ERC1: variants seen among roughly 807,000 people sequenced by gnomAD.
ERC1 encodes the protein RAB6 interacting protein 2.
In ERC1, 56 loss-of-function variants were observed where a neutral mutation model predicts 132.0. The observed-to-expected ratio is 0.42, with a 90% CI of 0.34 to 0.53. The LOEUF (loss-of-function observed/expected upper bound fraction) is 0.53, where lower values mean the gene tolerates loss of function less well. ERC1 is among the 20% of genes least tolerant of loss of function. The probability of loss-of-function intolerance (pLI) is 0.03; values close to 1 mark genes in which losing one functional copy is unlikely to be tolerated. For missense variants in ERC1, 1,202 were observed against 1,349.9 expected (o/e 0.89, Z 1.72); for synonymous variants, 478 against 476.1 (o/e 1.00, Z -0.05).
At chr12:1,267,282 C>T (rs540259434) in intron 14 of ERC1, among the ~76,000 whole-genome samples, 1 of 152,312 alleles carries the variant, frequency 6.6e-6, no homozygotes, top group African/African-American at 2.4e-5. Context: ...TTTCTGGAAG[C>T]TTTCTCTGTT....
intron 12 of ERC1, among the ~76,000 whole-genome samples, chr12:1,203,220 G>A (rs973953359): frequency 6.6e-6 from 1 of 152,106 alleles, no homozygotes; most frequent in Non-Finnish European, 1.5e-5. Context: ...ACCACGCCTG[G>A]CTAATTTTTG....
At chr12:997,954 TGA>T (rs1236848429) in intron 1 of ERC1, among the ~76,000 whole-genome samples, 4 of 152,228 alleles carry the variant, frequency 2.6e-5, no homozygotes, top group South Asian at 2.1e-4. Context: ...TGAAGTTCCA[TGA>T]GAGTGTATTT....
chr12:1,400,914 G>GTTTTTTTTTTTTT (rs1566774897), intron 16 of ERC1, among the ~76,000 whole-genome samples: 6 of 11,120 alleles, frequency 5.4e-4, no homozygotes, highest in Non-Finnish European at 7.4e-4. Context: ...GGCTATTTTT[G>GTTTTTTTTTTTTT]TATTTTTTTT....
chr12:1,184,830 G>A (rs890628539), intron 11 of ERC1, among the ~76,000 whole-genome samples: 4 of 152,100 alleles, frequency 2.6e-5, no homozygotes, highest in Non-Finnish European at 5.9e-5. Flanking sequence ...ATAGTTTACT[G>A]TGACTTCAAA....
At chr12:1,094,684 A>G (rs924647209) in intron 3 of ERC1, among the ~76,000 whole-genome samples, 3 of 152,298 alleles carry the variant, frequency 2.0e-5, no homozygotes, top group South Asian at 2.1e-4. Context: ...TGCTAGGATT[A>G]CGGACGTGAG....
intron 15 of ERC1, among the ~76,000 whole-genome samples, chr12:1,299,813 C>G (rs1014610363): frequency 6.6e-6 from 1 of 152,026 alleles, no homozygotes; most frequent in Non-Finnish European, 1.5e-5. Context: ...GGTTATCACT[C>G]CAGTTTCTAA....
At chr12:1,202,259 G>T (rs1380717667) in intron 12 of ERC1, among the ~76,000 whole-genome samples, 2 of 152,186 alleles carry the variant, frequency 1.3e-5, no homozygotes, top group African/African-American at 4.8e-5. Context: ...TGGTCTTACA[G>T]GAATCTGTGT....
chr12:1,473,315 C>T (rs1413307655), intron 18 of ERC1, among the ~76,000 whole-genome samples: 1 of 152,232 alleles, frequency 6.6e-6, no homozygotes, highest in African/African-American at 2.4e-5. Flanking sequence ...GTGTGAGCCA[C>T]TGCGCCCGGC....
Position 1,225,457 on chromosome 12 carries a change from C to A in ERC1, c.2352-11312C>A, listed in dbSNP as rs1224358960. Among the ~76,000 whole-genome samples the A allele has an allele frequency of 1.6e-3, 223 of 143,848 alleles. 2 individuals are homozygous for A. The highest frequency in any genetic ancestry group is 5.0e-3 in the African/African-American group (191 of 37,842). 94.4% of individuals were successfully genotyped at this position (143,848 alleles called of 152,430 possible). A position where few individuals can be genotyped will look rare whatever the true frequency, so the allele number is the denominator to read the frequency against. On this transcript the variant is annotated intron_variant, in intron 12 of 18. Coordinates refer to ENST00000360905, the MANE Select transcript of ERC1 (RefSeq NM_178040.4). ...AAAATGAGGCTGTCTCTTACACACACACACACACACACACACACACACACA... is the reference window on the plus strand; with the variant it reads ...AAAATGAGGCTGTCTCTTACACACAAACACACACACACACACACACACACA...
intron 15 of ERC1, among the ~76,000 whole-genome samples, chr12:1,334,781 T>A (rs2083171782): frequency 6.6e-6 from 1 of 152,204 alleles, no homozygotes; most frequent in Non-Finnish European, 1.5e-5. Context: ...TCATTGGTAG[T>A]TTGATAGGAA....
At chr12:1,366,007 A>G (rs566611446) in intron 15 of ERC1, among the ~76,000 whole-genome samples, 1 of 152,338 alleles carries the variant, frequency 6.6e-6, no homozygotes, top group South Asian at 2.1e-4. Flanking sequence ...TGAGGCACCT[A>G]CAGAAGTCAC....
chr12:1,487,849 G>C (rs2154434322), intron 18 of ERC1, among the ~76,000 whole-genome samples: 1 of 151,770 alleles, frequency 6.6e-6, no homozygotes, highest in Non-Finnish European at 1.5e-5. Context: ...AAAGGAAAGA[G>C]AGAAAAAGGC....
At chr12:1,410,373 A>G (rs2091772727) in intron 17 of ERC1, 4 of 1,287,402 alleles carry the variant, frequency 3.1e-6, no homozygotes, top group South Asian at 1.2e-5. Context: ...CCCCCTTGTC[A>G]TCTCTCTCCC....
chr12:1,060,867 A>G (rs1937702626), intron 2 of ERC1, among the ~76,000 whole-genome samples: 1 of 151,560 alleles, frequency 6.6e-6, no homozygotes, highest in East Asian at 1.9e-4. Flanking sequence ...CTGGGACTAC[A>G]GGTGCCCACC....
intron 18 of ERC1, among the ~76,000 whole-genome samples, chr12:1,482,874 T>C (rs1399423350): frequency 6.6e-6 from 1 of 152,186 alleles, no homozygotes; most frequent in Non-Finnish European, 1.5e-5. Flanking sequence ...TTTTTGAACA[T>C]TTTTGTCACC....
chr12:1,027,989 G>T lies in ERC1; in HGVS notation c.86G>T (p.Arg29Leu), dbSNP rs754782634. 4 of 1,614,140 alleles carry T rather than the reference G, an allele frequency of 2.5e-6. No homozygotes were observed. Among genetic ancestry groups the T allele is most frequent in the East Asian group, 2.2e-5 (1 of 44,890 alleles). ...TCACCCAGGCTTCCACGTTCCCCTC[G>T]CTTGGGTCACCGTCGAACCAACAGT... is the stretch of plus-strand genomic sequence containing the variant. Reference protein sequence around the residue: ...GRSPRLPRSPRLGHRRTNSTG... With the variant: ...GRSPRLPRSPLLGHRRTNSTG... The change falls in exon 2 of 19, where the codon CGC (arginine) becomes CTC (leucine). Residue 29 changes from arginine to leucine, a missense_variant. Transcript: ENST00000360905.
chr12:1,482,182 A>T (rs560672895), intron 18 of ERC1, among the ~76,000 whole-genome samples: 2 of 152,154 alleles, frequency 1.3e-5, no homozygotes, highest in South Asian at 4.2e-4. Flanking sequence ...TTCCATCAAG[A>T]TCCGGCGATT....
At chr12:1,181,097 G>A (rs931579697) in intron 9 of ERC1, among the ~76,000 whole-genome samples, 2 of 152,192 alleles carry the variant, frequency 1.3e-5, no homozygotes, top group African/African-American at 4.8e-5. Flanking sequence ...ACAGGCATGA[G>A]CCCCTGCACC....
intron 12 of ERC1, among the ~76,000 whole-genome samples, chr12:1,236,253 A>G (rs1449489110): frequency 6.6e-6 from 1 of 152,162 alleles, no homozygotes; most frequent in African/African-American, 2.4e-5. Context: ...AGGGAGCTTC[A>G]GAAGTAAATA....
Sources: allele counts gnomAD v4.1 joint callset (sites outside exome capture counted in the v4.1 genomes callset), GRCh38; gene constraint gnomAD v4.1.1; transcripts MANE v1.5; gene names NCBI Gene and HGNC (gene_info 2026-07-23, HGNC 2026-07-21).